CTNNA3: variants seen among roughly 807,000 people sequenced by gnomAD.
The protein encoded by CTNNA3 is catenin alpha 3.
Under a neutral mutation model 95.7 loss-of-function variants are expected in CTNNA3, and 76 were observed. That is an observed-to-expected ratio of 0.79 (90% CI 0.66 to 0.96). CTNNA3 has a LOEUF of 0.96. CTNNA3 is among the 40% of genes least tolerant of loss of function. CTNNA3 has a pLI of 0.00. For missense variants in CTNNA3, 1,191 were observed against 1,089.8 expected (o/e 1.09, Z -1.31); for synonymous variants, 431 against 374.4 (o/e 1.15, Z -1.74).
At chr10:67,179,494 C>CAAAAAAAAAAAAAA (rs35292826) in intron 7 of CTNNA3, among the ~76,000 whole-genome samples, 1 of 85,292 alleles carries the variant, frequency 1.2e-5, no homozygotes, top group African/African-American at 3.4e-5. Context: ...GCTAAAACTT[C>CAAAAAAAAAAAAAA]AAAAAAAAAA....
Position 66,849,061 on chromosome 10 carries a change from C to T in CTNNA3, c.1048-73537G>A, listed in dbSNP as rs1276202338. On this transcript the variant is annotated intron_variant, in intron 7 of 17. Coordinates refer to ENST00000433211, the MANE Select transcript of CTNNA3 (RefSeq NM_013266.4). The stretch of plus-strand genomic sequence containing the variant: ...CAAAACTAATTTCATCTTTAAGGTC[C>T]TGCCATCTGTTCTTTTTATTTATTT... 2.6e-5 allele frequency among the ~76,000 whole-genome samples: 4 copies of T among 152,186 alleles called. No individual in the cohort carries two copies. In the East Asian group the frequency reaches 7.7e-4, roughly 29 times the overall value.
chr10:66,981,369 C>T (rs781222392), intron 7 of CTNNA3, among the ~76,000 whole-genome samples: 2 of 152,246 alleles, frequency 1.3e-5, no homozygotes, highest in Non-Finnish European at 2.9e-5. Flanking sequence ...TCAGCTCACT[C>T]AGGCATAAGT....
chr10:66,171,053 A>G (rs563134676), intron 13 of CTNNA3, among the ~76,000 whole-genome samples: 1 of 152,198 alleles, frequency 6.6e-6, no homozygotes, highest in African/African-American at 2.4e-5. Context: ...GAATCACTTG[A>G]ACCTGAGAGG....
At chr10:66,353,654 G>A (rs2092584202) in intron 12 of CTNNA3, among the ~76,000 whole-genome samples, 1 of 151,988 alleles carries the variant, frequency 6.6e-6, no homozygotes, top group Admixed American at 6.6e-5. Context: ...CAGCCTGCTA[G>A]GGGAGCAACC....
intron 5 of CTNNA3, among the ~76,000 whole-genome samples, chr10:67,419,012 A>G (rs1242970376): frequency 6.6e-6 from 1 of 152,228 alleles, no homozygotes; most frequent in Non-Finnish European, 1.5e-5. Flanking sequence ...TTTACAAAAG[A>G]AAAAACAGTA....
chr10:67,341,945 A>G (rs1321253426), intron 5 of CTNNA3, among the ~76,000 whole-genome samples: 1 of 151,946 alleles, frequency 6.6e-6, no homozygotes, highest in Admixed American at 6.6e-5. Context: ...TCTGATGAGC[A>G]ATGATATTTA....
intron 2 of CTNNA3, among the ~76,000 whole-genome samples, chr10:67,617,595 A>T (rs528745372): frequency 6.6e-6 from 1 of 152,228 alleles, no homozygotes; most frequent in African/African-American, 2.4e-5. Flanking sequence ...TGGTAGAATG[A>T]TTTATATTAC....
intron 7 of CTNNA3, among the ~76,000 whole-genome samples, chr10:66,801,614 A>G (rs1841434216): frequency 6.6e-6 from 1 of 151,646 alleles, no homozygotes; most frequent in African/African-American, 2.4e-5. Context: ...AAGCAGTCAA[A>G]TAAATAGATC....
chr10:67,720,972 T>A (rs960192747), intron 1 of CTNNA3, among the ~76,000 whole-genome samples: 5 of 152,038 alleles, frequency 3.3e-5, no homozygotes, highest in Admixed American at 6.6e-5. Flanking sequence ...AAATGTTGAA[T>A]ATTGGCCCCC....
chr10:67,002,729 G>A (rs1252123745), intron 7 of CTNNA3, among the ~76,000 whole-genome samples: 1 of 151,728 alleles, frequency 6.6e-6, no homozygotes, highest in Non-Finnish European at 1.5e-5. Context: ...TTACCAAGCA[G>A]AATTTTTTTT....
intron 5 of CTNNA3, among the ~76,000 whole-genome samples, chr10:67,435,262 C>T (rs1846262783): frequency 6.6e-6 from 1 of 151,956 alleles, no homozygotes; most frequent in South Asian, 2.1e-4. Flanking sequence ...TGTTCAGCAA[C>T]ATAGACAAAC....
intron 10 of CTNNA3, among the ~76,000 whole-genome samples, chr10:66,611,330 A>T (rs1439537519): frequency 6.6e-6 from 1 of 152,166 alleles, no homozygotes. Flanking sequence ...GGTGTTGGAT[A>T]TTCCAATTAC....
chr10:66,729,742 G>T (rs1589180537), intron 9 of CTNNA3, among the ~76,000 whole-genome samples: 1 of 152,240 alleles, frequency 6.6e-6, no homozygotes, highest in Non-Finnish European at 1.5e-5. Flanking sequence ...CACCACAAAA[G>T]AACTTACTCA....
Position 66,619,524 on chromosome 10 carries a change from G to A in CTNNA3, c.1374+2168C>T, listed in dbSNP as rs531553606. On this transcript the variant is annotated intron_variant, in intron 10 of 17. Coordinates refer to ENST00000433211, the MANE Select transcript of CTNNA3 (RefSeq NM_013266.4). The stretch of plus-strand genomic sequence containing the variant: ...GGGAATTGAACAATGACAACACATG[G>A]ACACAGGAAGGGGAACATCACACTC... Among the ~76,000 whole-genome samples the A allele has an allele frequency of 8.7e-4, 84 of 97,020 alleles. 1 individual carries two copies. Among genetic ancestry groups the A allele is most frequent in the African/African-American group, 2.9e-3 (84 of 28,868 alleles). The allele number at this position is 97,020 out of a possible 152,430, so 63.6% of individuals were successfully genotyped here. A position where few individuals can be genotyped will look rare whatever the true frequency, so the allele number is the denominator to read the frequency against.
intron 9 of CTNNA3, among the ~76,000 whole-genome samples, chr10:66,693,207 A>G (rs974172233): frequency 6.6e-6 from 1 of 152,178 alleles, no homozygotes; most frequent in African/African-American, 2.4e-5. Context: ...TGCTGTATTC[A>G]GGAAACCCAT....
intron 9 of CTNNA3, among the ~76,000 whole-genome samples, chr10:66,709,336 T>C (rs955445508): frequency 6.6e-6 from 1 of 151,942 alleles, no homozygotes. Flanking sequence ...ATAGGACTTG[T>C]AGATAGGAAC....
chr10:66,905,367 T>G (rs571997973), intron 7 of CTNNA3, among the ~76,000 whole-genome samples: 1 of 151,918 alleles, frequency 6.6e-6, no homozygotes, highest in African/African-American at 2.4e-5. Context: ...CTGGGGCCTA[T>G]TGGGGGTTGG....
rs867715410 is a variant in CTNNA3, at chr10:67,311,617, T to A, written c.580-91747A>T. 1.8e-4 allele frequency among the ~76,000 whole-genome samples: 27 copies of A among 152,310 alleles called. No individual in the cohort carries two copies. In the Middle Eastern group the frequency reaches 0.01, roughly 58 times the overall value. On this transcript the variant is annotated intron_variant, in intron 5 of 17. Coordinates refer to ENST00000433211, the MANE Select transcript of CTNNA3 (RefSeq NM_013266.4). ...ATTAAAATGGGTGCATTTTATTGTATTCAAATCATACCTCAATAAAGTTGA... is the reference window on the plus strand; with the variant it reads ...ATTAAAATGGGTGCATTTTATTGTAATCAAATCATACCTCAATAAAGTTGA...
intron 11 of CTNNA3, among the ~76,000 whole-genome samples, chr10:66,385,995 A>G (rs2132512182): frequency 6.6e-6 from 1 of 152,342 alleles, no homozygotes; most frequent in East Asian, 1.9e-4. Context: ...ATCATACTGA[A>G]TGGGCAAAAA....
Sources: gnomAD v4.1 joint callset for allele counts (sites outside exome capture counted in the v4.1 genomes callset) on GRCh38, gnomAD v4.1.1 for gene constraint, MANE v1.5 for transcripts, NCBI Gene and HGNC (gene_info 2026-07-23, HGNC 2026-07-21) for gene names.